Variants in MCM9 observed in about 807,000 individuals in gnomAD.
MCM9 encodes DNA helicase MCM9.
Under a neutral mutation model 72.8 loss-of-function variants are expected in MCM9, and 55 were observed. The ratio of observed to expected loss-of-function variants is 0.76; its 90% confidence interval spans 0.61 to 0.95. The LOEUF is 0.95. MCM9 is among the 40% of genes least tolerant of loss of function. The pLI is 0.00. For synonymous variants in MCM9, 480 were observed against 503.4 expected, an observed-to-expected ratio of 0.95 and a Z score of 0.62; for missense variants, 1,279 against 1,377.0, an observed-to-expected ratio of 0.93 and a Z score of 1.13.
rs141890241 is a variant in MCM9 at position 118,893,305 on chromosome 6, T to C, written c.1150+18345A>G. Among the ~76,000 whole-genome samples, 154 of 152,332 alleles carry C rather than the reference T, an allele frequency of 1.0e-3. 2 individuals carry two copies. The East Asian group carries it at 0.028, about 28-fold the overall frequency. On this transcript the variant is annotated intron_variant, in intron 8 of 13. Transcript: ENST00000619706. ...TTTTTGAAGATCAAATGTCTTGCTA[T>C]GTCTTTGTGTTCTTTTTCCCATCTC...
chr6:118,829,500 T>G (rs1774387553), intron 9 of MCM9, among the ~76,000 whole-genome samples: 1 of 152,232 alleles, frequency 6.6e-6, no homozygotes, highest in South Asian at 2.1e-4. Context: ...GAGACCCCTT[T>G]GCTAAGTGCT....
Position 118,814,724 on chromosome 6 carries a change from A to C in MCM9, c.*100T>G. 3.4e-4 allele frequency: 365 copies of C among 1,059,666 alleles called. No homozygotes were observed. The highest frequency in any genetic ancestry group is 4.3e-4 in the Non-Finnish European group (327 of 757,730). The allele number at this position is 1,059,666 out of a possible 1,614,324, so 65.6% of individuals were successfully genotyped here. A position where few individuals can be genotyped will look rare whatever the true frequency, so the allele number is the denominator to read the frequency against. Reference sequence around the variant, plus strand: ...GCCAGTATTCAGAGTGATCCTCAATATGGCCAATTGTTCTATACATTTATA... The same window carrying C: ...GCCAGTATTCAGAGTGATCCTCAATCTGGCCAATTGTTCTATACATTTATA... On this transcript the variant is annotated 3_prime_UTR_variant, in exon 14 of 14. Coordinates refer to ENST00000619706, the MANE Select transcript of MCM9 (RefSeq NM_017696.3).
chr6:118,868,841 T>C (rs1240315814), intron 8 of MCM9, among the ~76,000 whole-genome samples: 2 of 152,204 alleles, frequency 1.3e-5, no homozygotes, highest in Non-Finnish European at 2.9e-5. Flanking sequence ...GTTCAATCAT[T>C]GTGGAAGACA....
chr6:118,918,132 A>G, intron 5 of MCM9: 1 of 201,732 alleles, frequency 5.0e-6, no homozygotes, highest in Non-Finnish European at 1.0e-5. Flanking sequence ...TCTCATTTAG[A>G]GAAGAGATGT....
chr6:118,907,685 AG>A, intron 8 of MCM9: 1 of 1,225,688 alleles, frequency 8.2e-7, no homozygotes, highest in East Asian at 2.3e-5. Flanking sequence ...AAATTCCGTA[AG>A]TACATAGTCA....
chr6:118,861,165 C>T (rs923081846), intron 8 of MCM9, among the ~76,000 whole-genome samples: 1 of 152,212 alleles, frequency 6.6e-6, no homozygotes, highest in African/African-American at 2.4e-5. Flanking sequence ...CCATGTGAGG[C>T]TGCAGCTGGA....
At chr6:118,841,176 C>G (rs1248238319) in intron 9 of MCM9, among the ~76,000 whole-genome samples, 1 of 152,164 alleles carries the variant, frequency 6.6e-6, no homozygotes, top group African/African-American at 2.4e-5. Context: ...AAGTATTGAC[C>G]ATATAAATAA....
At chr6:118,818,836 T>C (rs1773589936) in intron 13 of MCM9, among the ~76,000 whole-genome samples, 1 of 152,194 alleles carries the variant, frequency 6.6e-6, no homozygotes, top group East Asian at 1.9e-4. Flanking sequence ...CTTGAAGAGG[T>C]CTTTCACATC....
chr6:118,863,359 C>T (rs149258314), intron 8 of MCM9, among the ~76,000 whole-genome samples: 276 of 152,022 alleles, frequency 1.8e-3, no homozygotes, highest in Middle Eastern at 0.01. Flanking sequence ...TCTAGGGCAA[C>T]CACTTTAAAA....
At position 118,914,309 on chromosome 6, in the gene MCM9, A is replaced by G. The variant is rs78227226; in HGVS notation, c.905-889T>C. Among the ~76,000 whole-genome samples, 912 of 152,298 alleles carry G rather than the reference A, an allele frequency of 6.0e-3. 6 individuals are homozygous for G. The highest frequency in any genetic ancestry group is 0.017 in the Middle Eastern group (5 of 294). The stretch of plus-strand genomic sequence containing the variant: ...ACGCACCAAATCTGAGAATCTGCCT[A>G]TCTCTTCCATGAATAAAGCAGGTAT... On this transcript the variant is annotated intron_variant, in intron 6 of 13. Transcript: ENST00000619706.
At chr6:118,917,455 G>GAAA in intron 6 of MCM9, 106 bp downstream of exon 6, 1 of 1,107,448 alleles carries the variant, frequency 9.0e-7, no homozygotes, top group African/African-American at 1.5e-5. Flanking sequence ...TTTAAACTCA[G>GAAA]TCATTGAGTT....
intron 8 of MCM9, among the ~76,000 whole-genome samples, chr6:118,868,910 T>G (rs1777397046): frequency 6.6e-6 from 1 of 152,164 alleles, no homozygotes; most frequent in Non-Finnish European, 1.5e-5. Context: ...GCAATCCCAT[T>G]ACTGGGTATA....
intron 9 of MCM9, among the ~76,000 whole-genome samples, chr6:118,833,089 C>G (rs1040545391): frequency 2.0e-5 from 3 of 152,090 alleles, no homozygotes; most frequent in African/African-American, 7.2e-5. Context: ...GAGGATAAAG[C>G]CCTGGAGTCA....
intron 9 of MCM9, among the ~76,000 whole-genome samples, chr6:118,835,162 T>C (rs1014863215): frequency 1.3e-5 from 2 of 152,176 alleles, no homozygotes; most frequent in Non-Finnish European, 2.9e-5. Context: ...TGGTTGTAGA[T>C]GTGTGGGATT....
intron 6 of MCM9, among the ~76,000 whole-genome samples, chr6:118,916,114 A>G (rs1164551653): frequency 6.6e-6 from 1 of 151,972 alleles, no homozygotes; most frequent in African/African-American, 2.4e-5. Flanking sequence ...GCACTTTGGG[A>G]GACGGAAGTG....
chr6:118,890,916 A>C (rs958995748), intron 8 of MCM9, among the ~76,000 whole-genome samples: 1 of 152,202 alleles, frequency 6.6e-6, no homozygotes, highest in African/African-American at 2.4e-5. Flanking sequence ...GGAAATCTAG[A>C]TTTGAACAAA....
At chr6:118,853,384 C>T (rs1346135850) in intron 9 of MCM9, among the ~76,000 whole-genome samples, 1 of 151,988 alleles carries the variant, frequency 6.6e-6, no homozygotes, top group Non-Finnish European at 1.5e-5. Flanking sequence ...TTTGGCTATT[C>T]TGTGCTTTTC....
chr6:118,857,270 T>C (rs999400200), intron 8 of MCM9, among the ~76,000 whole-genome samples: 1 of 152,184 alleles, frequency 6.6e-6, no homozygotes, highest in Non-Finnish European at 1.5e-5. Flanking sequence ...AATGAAAAGT[T>C]TGCTTCCAGT....
chr6:118,856,663 G>T, intron 8 of MCM9, 118 bp from the exon 9 acceptor site: 2 of 1,080,136 alleles, frequency 1.9e-6, no homozygotes, highest in Non-Finnish European at 2.6e-6. Flanking sequence ...AAGATTTCTT[G>T]AACACAGGAG....
Sources: allele counts gnomAD v4.1 joint callset (sites outside exome capture counted in the v4.1 genomes callset), GRCh38; gene constraint gnomAD v4.1.1; transcripts MANE v1.5; gene names NCBI Gene and HGNC (gene_info 2026-07-23, HGNC 2026-07-21).